The following DEFB119 variants were observed in gnomAD, a reference collection of about 807,000 sequenced individuals.
The protein encoded by DEFB119 is defensin beta 119.
A neutral mutation model predicts 2.5 loss-of-function variants in DEFB119; 3 were observed. That is an observed-to-expected ratio of 1.19 (90% CI 0.54 to 3.07). DEFB119 has a LOEUF of 3.07. DEFB119 is among the 30% of genes most tolerant of loss of function. DEFB119 has a pLI of 0.03. For synonymous variants in DEFB119, 29 were observed against 33.7 expected (o/e 0.86, Z 0.48); for missense variants, 113 against 101.1 (o/e 1.12, Z -0.50).
chr20:31,388,143 A>G (rs1986783097), intron 1 of DEFB119: 1 of 985,124 alleles, frequency 1.0e-6, no homozygotes, highest in Non-Finnish European at 1.2e-6. Flanking sequence ...TAGATTCCCA[A>G]ACAGGATTCT....
chr20:31,390,358 G>C, intron 1 of DEFB119, 65 bp downstream of exon 1: 1 of 1,469,502 alleles, frequency 6.8e-7, no homozygotes, highest in Non-Finnish European at 9.5e-7. Flanking sequence ...CCCACAGTGA[G>C]AGGGAAGGGA....
chr20:31,387,106 C>T (rs540416629), intron 1 of DEFB119, among the ~76,000 whole-genome samples: 1 of 151,990 alleles, frequency 6.6e-6, no homozygotes, highest in Non-Finnish European at 1.5e-5. Context: ...CGCACCCAGC[C>T]TATTGTGTAT....
intron 1 of DEFB119, chr20:31,378,439 G>C: frequency 1.2e-6 from 2 of 1,612,402 alleles, no homozygotes; most frequent in Non-Finnish European, 1.7e-6. Flanking sequence ...ATATGATCCA[G>C]CATCTCATAA....
At chr20:31,377,482 G>C in intron 1 of DEFB119, 43 bp from the exon 2 acceptor site, 1 of 1,578,762 alleles carries the variant, frequency 6.3e-7, no homozygotes, top group Middle Eastern at 1.7e-4. Flanking sequence ...TCACCTAGGA[G>C]TGACATAAAT....
intron 1 of DEFB119, among the ~76,000 whole-genome samples, chr20:31,382,997 A>G (rs1414848262): frequency 6.6e-6 from 1 of 152,214 alleles, no homozygotes; most frequent in African/African-American, 2.4e-5. Flanking sequence ...GGGACATCAA[A>G]TTCTCCATAG....
chr20:31,385,231 A>G (rs1409312885), intron 1 of DEFB119, among the ~76,000 whole-genome samples: 1 of 152,134 alleles, frequency 6.6e-6, no homozygotes, highest in African/African-American at 2.4e-5. Context: ...CCAGATCTCT[A>G]CTCAGGCCTC....
intron 1 of DEFB119, among the ~76,000 whole-genome samples, chr20:31,387,450 C>T (rs1986749840): frequency 6.6e-6 from 1 of 152,146 alleles, no homozygotes; most frequent in Non-Finnish European, 1.5e-5. Flanking sequence ...AAAAAGAATA[C>T]ATAAAATATA....
At chr20:31,382,323 G>T (rs1359068021) in intron 1 of DEFB119, among the ~76,000 whole-genome samples, 1 of 152,006 alleles carries the variant, frequency 6.6e-6, no homozygotes. Context: ...GAATCCCTAG[G>T]TGACCAATCC....
intron 1 of DEFB119, 60 bp from the exon 2 acceptor site, chr20:31,377,499 AG>A: frequency 6.5e-7 from 1 of 1,536,532 alleles, no homozygotes; most frequent in Non-Finnish European, 8.8e-7. Flanking sequence ...AAATCTGATA[AG>A]TCGGGAAGCA....
chr20:31,378,381 C>G, intron 1 of DEFB119: 1 of 1,614,188 alleles, frequency 6.2e-7, no homozygotes, highest in Non-Finnish European at 8.5e-7. Flanking sequence ...ATCCCACTGT[C>G]CTCACCAGAG....
rs1249209518 is a variant in DEFB119 at position 31,383,532 on chromosome 20, TTAAAA to T, written c.62-6098_62-6094del. 1.1e-3 allele frequency among the ~76,000 whole-genome samples: 20 copies of T among 18,248 alleles called. 1 individual carries two copies. The South Asian group carries it at 0.053, about 48-fold the overall frequency. 12.0% of individuals were successfully genotyped at this position (18,248 alleles called of 152,430 possible). A position where few individuals can be genotyped will look rare whatever the true frequency, so the allele number is the denominator to read the frequency against. On this transcript the variant is annotated intron_variant, in intron 1 of 1. Transcript: ENST00000376321. ...CTGGGCAACAGAACAAGACTCTGTC[TTAAAA>T]AAAAAAAAAAAAAAAAGGCCAGGTG...
At chr20:31,383,759 C>T (rs538732101) in intron 1 of DEFB119, among the ~76,000 whole-genome samples, 150 of 151,520 alleles carry the variant, frequency 9.9e-4, no homozygotes, top group Non-Finnish European at 1.4e-3. Context: ...AGGAGAGTGG[C>T]GTGAACCCGG....
rs549036777 is a variant in DEFB119 at position 31,378,772 on chromosome 20, T to C, written c.62-1333A>G. ...AAGGAAATGTTTTTGAAAATCCCTATCGTTTATAAATTGAAGAGGAACAAC... is the reference window on the plus strand; with the variant it reads ...AAGGAAATGTTTTTGAAAATCCCTACCGTTTATAAATTGAAGAGGAACAAC... On this transcript the variant is annotated intron_variant, in intron 1 of 1. Transcript: ENST00000376321. Among the ~76,000 whole-genome samples, 7 of 152,280 alleles carry C rather than the reference T, an allele frequency of 4.6e-5. No individual in the cohort carries two copies. In the Middle Eastern group the frequency reaches 0.01, roughly 222 times the overall value.
intron 1 of DEFB119, among the ~76,000 whole-genome samples, chr20:31,384,511 A>G (rs1254488253): frequency 6.6e-6 from 1 of 152,238 alleles, no homozygotes; most frequent in Non-Finnish European, 1.5e-5. Context: ...GAAAGAAAAG[A>G]GTTCTTATAT....
At chr20:31,379,654 C>A (rs1600506378) in intron 1 of DEFB119, among the ~76,000 whole-genome samples, 3 of 122,840 alleles carry the variant, frequency 2.4e-5, no homozygotes, top group African/African-American at 3.5e-5. Flanking sequence ...CCACCACACC[C>A]AACTAATTTT....
At chr20:31,389,375 G>A in intron 1 of DEFB119, 1 of 1,079,504 alleles carries the variant, frequency 9.3e-7, no homozygotes, top group Admixed American at 2.4e-5. Context: ...CCCAGGAAAA[G>A]AGAGAAGAGA....
chr20:31,377,299 T>C lies in DEFB119; in HGVS notation c.202A>G (p.Lys68Glu), dbSNP rs753444973. 3 of 1,614,090 alleles carry C rather than the reference T, an allele frequency of 1.9e-6. No individual in the cohort carries two copies. Among genetic ancestry groups the C allele is most frequent in the South Asian group, 2.2e-5 (2 of 91,048 alleles). ...QSYMRISISG[K>E]EENTDWSYEK... ...TAAGACCAGTCGGTATTTTCCTCTT[T>C]GCCAGAAATGCTTATCCTCATGTAG... is the stretch of plus-strand genomic sequence containing the variant. The change falls in exon 2 of 2, where the codon AAA becomes GAA. Residue 68 changes from lysine to glutamate, a missense_variant. By Grantham distance (56) the Lys-to-Glu change is moderately conservative (BLOSUM62 1). Coordinates refer to ENST00000376321, the MANE Select transcript of DEFB119 (RefSeq NM_153289.4).
intron 1 of DEFB119, chr20:31,388,436 C>G: frequency 2.2e-6 from 1 of 456,682 alleles, no homozygotes; most frequent in Non-Finnish European, 2.9e-6. Flanking sequence ...GCAGAGTCTG[C>G]CAGTAGTAAG....
chr20:31,390,414 T>C lies in DEFB119; in HGVS notation c.61+9A>G. 1 of 1,608,294 alleles carries C rather than the reference T, an allele frequency of 6.2e-7. No individual in the cohort carries two copies. The highest frequency in any genetic ancestry group is 8.5e-7 in the Non-Finnish European group (1 of 1,178,020). ...AGGAACCCAGACCCCCGAGAGAGGT[T>C]CACGTTACCTGATATCACTGGTTCT... On this transcript the variant is annotated intron_variant, in intron 1 of 1. Coordinates refer to ENST00000376321, the MANE Select transcript of DEFB119 (RefSeq NM_153289.4).
Sources: gnomAD v4.1 joint callset for allele counts (sites outside exome capture counted in the v4.1 genomes callset) on GRCh38, gnomAD v4.1.1 for gene constraint, MANE v1.5 for transcripts, NCBI Gene and HGNC (gene_info 2026-07-23, HGNC 2026-07-21) for gene names.